The following SH3GL2 variants were observed in gnomAD, a reference collection of about 807,000 sequenced individuals.
SH3GL2 encodes endophilin-A1.
In SH3GL2, 24 loss-of-function variants were observed where a neutral mutation model predicts 46.0. The observed-to-expected ratio is 0.52, with a 90% CI of 0.38 to 0.73. SH3GL2 has a LOEUF of 0.73. Ranked by LOEUF, SH3GL2 falls within the 30% of genes least tolerant of loss-of-function variation. SH3GL2 has a pLI of 0.00. For missense variants in SH3GL2, 413 were observed against 424.2 expected, an observed-to-expected ratio of 0.97 and a Z score of 0.23; for synonymous variants, 196 against 147.1, an observed-to-expected ratio of 1.33 and a Z score of -2.40.
At position 17,587,433 on chromosome 9, in the gene SH3GL2, G is replaced by A. The variant is rs1359731743; in HGVS notation, c.45+8146G>A. 2.0e-5 allele frequency among the ~76,000 whole-genome samples: 3 copies of A among 152,280 alleles called. No homozygotes were observed. In the East Asian group the frequency reaches 5.8e-4, roughly 29 times the overall value. On this transcript the variant is annotated intron_variant, in intron 1 of 8. Coordinates refer to ENST00000380607, the MANE Select transcript of SH3GL2 (RefSeq NM_003026.5). ...TTCTTTCTTATATATATTTGGCCAG[G>A]TCTAAGGAGGGTTAGAGGAAATCTG... is the stretch of plus-strand genomic sequence containing the variant.
At chr9:17,760,446 A>C (rs890423119) in intron 2 of SH3GL2, among the ~76,000 whole-genome samples, 3 of 151,946 alleles carry the variant, frequency 2.0e-5, no homozygotes, top group Admixed American at 2.0e-4. Flanking sequence ...ATACCGGTAT[A>C]TATTGGTATA....
chr9:17,629,813 G>A (rs563707196), intron 1 of SH3GL2, among the ~76,000 whole-genome samples: 1 of 152,278 alleles, frequency 6.6e-6, no homozygotes, highest in South Asian at 2.1e-4. Context: ...AGGTGTCTCA[G>A]TCCAGGAAGT....
chr9:17,778,945 T>C (rs984779946), intron 3 of SH3GL2, among the ~76,000 whole-genome samples: 1 of 151,932 alleles, frequency 6.6e-6, no homozygotes, highest in African/African-American at 2.4e-5. Flanking sequence ...GGAGTTTAGT[T>C]TGAATATGTT....
In SH3GL2 at chr9:17,671,637, A is replaced by G. The variant is rs879467493; in HGVS notation, c.46-75429A>G. On this transcript the variant is annotated intron_variant, in intron 1 of 8. Transcript: ENST00000380607. ...TCTATTATGTACCTACAAAACTAAA[A>G]AAAATTATAAAAGCAAAAAACAAAA... 5.9e-5 allele frequency among the ~76,000 whole-genome samples: 9 copies of G among 152,176 alleles called. 1 individual carries two copies. The highest frequency in any genetic ancestry group is 5.9e-4 in the Admixed American group (9 of 15,272).
chr9:17,681,102 A>G (rs1377953307), intron 1 of SH3GL2, among the ~76,000 whole-genome samples: 1 of 152,098 alleles, frequency 6.6e-6, no homozygotes, highest in Non-Finnish European at 1.5e-5. Context: ...TCTTTTAACT[A>G]CCCATGCTTC....
rs185895785 is a variant in SH3GL2 at position 17,715,593 on chromosome 9, C to T, written c.46-31473C>T. Reference sequence around the variant, plus strand: ...ACTAATCATTTTTCCTGCAAGACCTCCCGTGGTTAATACCATCCAGCATAT... The same window carrying T: ...ACTAATCATTTTTCCTGCAAGACCTTCCGTGGTTAATACCATCCAGCATAT... On this transcript the variant is annotated intron_variant, in intron 1 of 8. Coordinates refer to ENST00000380607, the MANE Select transcript of SH3GL2 (RefSeq NM_003026.5). 3.9e-5 allele frequency among the ~76,000 whole-genome samples: 6 copies of T among 151,942 alleles called. No individual in the cohort carries two copies. The South Asian group carries it at 8.3e-4, about 21-fold the overall frequency.
intron 1 of SH3GL2, among the ~76,000 whole-genome samples, chr9:17,664,790 C>A (rs1198371382): frequency 1.3e-5 from 2 of 151,692 alleles, no homozygotes; most frequent in African/African-American, 2.4e-5. Context: ...TATAATCTTT[C>A]TTTCCTAGCC....
intron 1 of SH3GL2, among the ~76,000 whole-genome samples, chr9:17,648,426 C>T (rs866222402): frequency 2.2e-4 from 34 of 152,292 alleles, no homozygotes; most frequent in African/African-American, 7.7e-4. Context: ...GGGGCCAAAT[C>T]TTACAGATCT....
chr9:17,744,803 G>A (rs116527735), intron 1 of SH3GL2, among the ~76,000 whole-genome samples: 1,711 of 152,270 alleles, frequency 0.011, 34 homozygotes, highest in African/African-American at 0.039. Flanking sequence ...AGGTTAGGTG[G>A]TATTGATGTC....
intron 1 of SH3GL2, among the ~76,000 whole-genome samples, chr9:17,584,661 C>T (rs1818339548): frequency 1.3e-5 from 2 of 152,126 alleles, no homozygotes; most frequent in South Asian, 4.1e-4. Context: ...AAAACCTTTC[C>T]AGAGGTGTCA....
intron 1 of SH3GL2, among the ~76,000 whole-genome samples, chr9:17,687,457 G>GATTT (rs61236187): frequency 6.6e-6 from 1 of 151,740 alleles, no homozygotes; most frequent in Non-Finnish European, 1.5e-5. Flanking sequence ...TTTTGACTCT[G>GATTT]TAACAGGGTA....
chr9:17,673,869 G>T (rs1820537337), intron 1 of SH3GL2, among the ~76,000 whole-genome samples: 1 of 152,086 alleles, frequency 6.6e-6, no homozygotes, highest in African/African-American at 2.4e-5. Flanking sequence ...CCCATCTGCT[G>T]CCATCCCAGA....
At chr9:17,689,599 C>T (rs906636586) in intron 1 of SH3GL2, among the ~76,000 whole-genome samples, 1 of 151,770 alleles carries the variant, frequency 6.6e-6, no homozygotes, top group Admixed American at 6.6e-5. Context: ...GTCTTAGCCC[C>T]TCCTCCTTAG....
chr9:17,687,692 G>T (rs1250869963), intron 1 of SH3GL2, among the ~76,000 whole-genome samples: 1 of 151,668 alleles, frequency 6.6e-6, no homozygotes, highest in Non-Finnish European at 1.5e-5. Flanking sequence ...TTGTCCTGGT[G>T]ATAAAGTTTA....
chr9:17,638,074 A>G (rs976123462), intron 1 of SH3GL2, among the ~76,000 whole-genome samples: 1 of 151,754 alleles, frequency 6.6e-6, no homozygotes, highest in African/African-American at 2.4e-5. Context: ...GGAGAATGGC[A>G]TGAACCCGGG....
chr9:17,626,110 G>A (rs1819274474), intron 1 of SH3GL2, among the ~76,000 whole-genome samples: 1 of 152,232 alleles, frequency 6.6e-6, no homozygotes, highest in Admixed American at 6.5e-5. Context: ...TTCCCAGAGG[G>A]AGGCTCTGGC....
At chr9:17,612,081 G>C (rs143027575) in intron 1 of SH3GL2, among the ~76,000 whole-genome samples, 1 of 152,304 alleles carries the variant, frequency 6.6e-6, no homozygotes, top group East Asian at 1.9e-4. Context: ...TTGCCTAGCA[G>C]CAGAGCTGGC....
Position 17,733,706 on chromosome 9 carries a change from A to T in SH3GL2, c.46-13360A>T, listed in dbSNP as rs567891272. Among the ~76,000 whole-genome samples the T allele has an allele frequency of 2.6e-5, 4 of 152,200 alleles. No homozygotes were observed. The East Asian group carries it at 7.8e-4, about 30-fold the overall frequency. ...TGCGGCACTATTCACAATAGCAAAGACTTGGAACCAATCCAAATGTCCAAC... is the reference window on the plus strand; with the variant it reads ...TGCGGCACTATTCACAATAGCAAAGTCTTGGAACCAATCCAAATGTCCAAC... On this transcript the variant is annotated intron_variant, in intron 1 of 8. Coordinates refer to ENST00000380607, the MANE Select transcript of SH3GL2 (RefSeq NM_003026.5).
At chr9:17,662,993 G>A (rs534009534) in intron 1 of SH3GL2, among the ~76,000 whole-genome samples, 2 of 152,276 alleles carry the variant, frequency 1.3e-5, no homozygotes, top group East Asian at 1.9e-4. Flanking sequence ...GTGAGCCACC[G>A]TGCCCAGCTG....
Sources: gnomAD v4.1 joint callset for allele counts (sites outside exome capture counted in the v4.1 genomes callset) on GRCh38, gnomAD v4.1.1 for gene constraint, MANE v1.5 for transcripts, NCBI Gene and HGNC (gene_info 2026-07-23, HGNC 2026-07-21) for gene names.